ZDHHC7: variants seen among roughly 807,000 people sequenced by gnomAD.
ZDHHC7 encodes palmitoyltransferase ZDHHC7.
In ZDHHC7, 12 loss-of-function variants were observed where a neutral mutation model predicts 34.1. That is an observed-to-expected ratio of 0.35 (90% CI 0.23 to 0.57). The LOEUF (loss-of-function observed/expected upper bound fraction) is 0.57. Among genes scored for constraint, ZDHHC7 ranks in the 20% least tolerant of loss-of-function variants. The probability of loss-of-function intolerance (pLI) is 0.84; values close to 1 mark genes in which losing one functional copy is unlikely to be tolerated. For synonymous variants in ZDHHC7, 185 were observed against 155.4 expected (o/e 1.19, Z -1.42); for missense variants, 388 against 402.7 (o/e 0.96, Z 0.31).
the ZDHHC7 span, among the ~76,000 whole-genome samples, chr16:85,025,280 AG>A: frequency 2.3e-4 from 35 of 151,748 alleles, no homozygotes; most frequent in Non-Finnish European, 4.4e-4. Flanking sequence ...AAAAAAAAAA[AG>A]AGCCTAATCT....
chr16:84,991,129 A>G (rs1396039931), intron 2 of ZDHHC7, among the ~76,000 whole-genome samples: 1 of 152,114 alleles, frequency 6.6e-6, no homozygotes, highest in Admixed American at 6.5e-5. Flanking sequence ...TCATCTTTAC[A>G]CCGCCTCATA....
intron 6 of ZDHHC7, 151 bp downstream of exon 6, chr16:84,977,772 TA>T: frequency 3.0e-6 from 2 of 670,606 alleles, no homozygotes; most frequent in Non-Finnish European, 5.2e-6. Context: ...ATGGTGGTGT[TA>T]AAACTTAACT....
upstream of ZDHHC7, among the ~76,000 whole-genome samples, chr16:85,015,955 G>A (rs986846816): frequency 6.6e-6 from 1 of 152,130 alleles, no homozygotes; most frequent in South Asian, 2.1e-4. Context: ...CAAAAAGTCT[G>A]TTTCTTCATC....
chr16:84,985,991 G>C (rs1011616035), intron 3 of ZDHHC7, among the ~76,000 whole-genome samples: 1 of 144,230 alleles, frequency 6.9e-6, no homozygotes, highest in African/African-American at 2.6e-5. Context: ...TGAGACAATT[G>C]AGGAAATCTG....
chr16:84,987,441 G>C (rs922948835), intron 3 of ZDHHC7, among the ~76,000 whole-genome samples: 2 of 148,338 alleles, frequency 1.3e-5, no homozygotes, highest in African/African-American at 5.0e-5. Flanking sequence ...TCGATGTTTT[G>C]GGGTTTGTTT....
rs2072791866 is a variant in ZDHHC7 at position 85,011,484 on chromosome 16, G to C, written c.-302C>G. The C allele has an allele frequency of 6.6e-6, 1 of 152,248 alleles. No homozygotes were observed. The highest frequency in any genetic ancestry group is 2.4e-5 in the African/African-American group (1 of 41,456). The allele number at this position is 152,248 out of a possible 1,614,324, so 9.4% of individuals were successfully genotyped here. ...GGAAGGAGGCTGCAGCCAAGCAAAT[G>C]CCTCAGCCCGGAGCCTTGGCTGGAG... On this transcript the variant is annotated 5_prime_UTR_variant, in exon 1 of 8. Coordinates refer to ENST00000313732, the MANE Select transcript of ZDHHC7 (RefSeq NM_017740.3).
In ZDHHC7 at chr16:84,979,103, G is replaced by A. The variant is rs533087659; in HGVS notation, c.537+86C>T. ...AAGGCTGGAGAGAAACTGGCCTGACGTTAGTAGATTTCTCTGCTCCAGGCA... is the reference window on the plus strand; with the variant it reads ...AAGGCTGGAGAGAAACTGGCCTGACATTAGTAGATTTCTCTGCTCCAGGCA... On this transcript the variant is annotated intron_variant, in intron 5 of 7. Transcript: ENST00000313732. The A allele has an allele frequency of 6.1e-5, 81 of 1,333,662 alleles. 1 individual carries two copies. Among genetic ancestry groups the A allele is most frequent in the Non-Finnish European group, 5.7e-5 (56 of 981,666 alleles). 82.6% of individuals were successfully genotyped at this position (1,333,662 alleles called of 1,614,324 possible).
At chr16:84,991,523 G>T (rs2072509857) in intron 2 of ZDHHC7, among the ~76,000 whole-genome samples, 3 of 152,080 alleles carry the variant, frequency 2.0e-5, no homozygotes, top group Admixed American at 2.0e-4. Context: ...CCTGACCTCA[G>T]GTGATCCATC....
intron 1 of ZDHHC7, among the ~76,000 whole-genome samples, chr16:85,010,667 T>A (rs1025634423): frequency 2.0e-5 from 3 of 148,098 alleles, no homozygotes; most frequent in African/African-American, 7.6e-5. Context: ...CTTCATAAGC[T>A]AATAAAGTGT....
At chr16:84,985,091 T>C (rs2072419668) in intron 3 of ZDHHC7, among the ~76,000 whole-genome samples, 1 of 152,224 alleles carries the variant, frequency 6.6e-6, no homozygotes, top group African/African-American at 2.4e-5. Flanking sequence ...ACTCATCTTC[T>C]TGTGGGACTG....
At chr16:84,991,229 C>G (rs545045984) in intron 2 of ZDHHC7, among the ~76,000 whole-genome samples, 1 of 152,306 alleles carries the variant, frequency 6.6e-6, no homozygotes, top group South Asian at 2.1e-4. Flanking sequence ...AGCAGACTCC[C>G]ATTTTTATAT....
At chr16:84,987,312 G>C (rs544305484) in intron 3 of ZDHHC7, among the ~76,000 whole-genome samples, 2 of 152,220 alleles carry the variant, frequency 1.3e-5, no homozygotes, top group African/African-American at 2.4e-5. Context: ...GCTCAACATC[G>C]TTGGTCATTA....
chr16:85,003,141 G>A (rs2072674387), intron 1 of ZDHHC7, among the ~76,000 whole-genome samples: 1 of 152,170 alleles, frequency 6.6e-6, no homozygotes, highest in African/African-American at 2.4e-5. Context: ...TCAGAGTCCA[G>A]GGGGCAGGAG....
At chr16:84,976,978 G>C in intron 7 of ZDHHC7, 117 bp downstream of exon 7, 10 of 1,449,218 alleles carry the variant, frequency 6.9e-6, no homozygotes, top group Non-Finnish European at 9.4e-6. Context: ...AGCTCATCAA[G>C]ACCGTCCCAT....
the ZDHHC7 span, among the ~76,000 whole-genome samples, chr16:85,026,285 A>C: frequency 6.6e-6 from 1 of 152,166 alleles, no homozygotes; most frequent in African/African-American, 2.4e-5. Context: ...ACAAGATGGC[A>C]CTTGCATCCT....
chr16:84,998,694 C>T (rs1201133453), intron 1 of ZDHHC7, among the ~76,000 whole-genome samples: 1 of 151,396 alleles, frequency 6.6e-6, no homozygotes, highest in Non-Finnish European at 1.5e-5. Context: ...CCTAGACAAA[C>T]ACTGACACAG....
chr16:84,985,295 C>T (rs1276448561), intron 3 of ZDHHC7, among the ~76,000 whole-genome samples: 1 of 152,258 alleles, frequency 6.6e-6, no homozygotes, highest in African/African-American at 2.4e-5. Context: ...GCCACCTCGC[C>T]CTTCCAGGGC....
At chr16:85,026,034 T>C in the ZDHHC7 span, among the ~76,000 whole-genome samples, 9 of 152,230 alleles carry the variant, frequency 5.9e-5, no homozygotes, top group East Asian at 1.2e-3. Flanking sequence ...TCTGCCTCTC[T>C]CTAACCTTTT....
At chr16:85,022,964 T>C in the ZDHHC7 span, among the ~76,000 whole-genome samples, 1 of 152,146 alleles carries the variant, frequency 6.6e-6, no homozygotes, top group Non-Finnish European at 1.5e-5. Flanking sequence ...GCTGAGGAAC[T>C]GTTCCAGAGT....
Sources: allele counts gnomAD v4.1 joint callset (sites outside exome capture counted in the v4.1 genomes callset), GRCh38; gene constraint gnomAD v4.1.1; transcripts MANE v1.5; gene names NCBI Gene and HGNC (gene_info 2026-07-23, HGNC 2026-07-21).